Variants in SIL1 observed in about 807,000 individuals in gnomAD.
SIL1 encodes nucleotide exchange factor SIL1.
SIL1 carries 40 observed loss-of-function variants against 49.1 expected under a neutral mutation model. The observed-to-expected ratio is 0.81, with a 90% CI of 0.63 to 1.06. The LOEUF (loss-of-function observed/expected upper bound fraction) is 1.06, where lower values mean the gene tolerates loss of function less well. Ranked by LOEUF, SIL1 falls within the 50% of genes least tolerant of loss-of-function variation. The pLI is 0.00. For synonymous variants in SIL1, 253 were observed against 250.8 expected (o/e 1.01, Z -0.08); for missense variants, 500 against 572.6 (o/e 0.87, Z 1.29).
chr5:139,010,196 G>C (rs1421847930), intron 7 of SIL1, among the ~76,000 whole-genome samples: 3 of 146,480 alleles, frequency 2.0e-5, no homozygotes, highest in African/African-American at 7.6e-5. Context: ...TTCCCTTCTC[G>C]CTTCATTTCA....
chr5:139,028,483 G>A (rs1248127685), intron 5 of SIL1, among the ~76,000 whole-genome samples: 1 of 151,246 alleles, frequency 6.6e-6, no homozygotes, highest in East Asian at 1.9e-4. Context: ...AAGCGACAGA[G>A]CGAGACTCCA....
chr5:139,003,821 G>C (rs1768048102), intron 7 of SIL1, among the ~76,000 whole-genome samples: 1 of 152,178 alleles, frequency 6.6e-6, no homozygotes, highest in Non-Finnish European at 1.5e-5. Context: ...TCTTCTCTTT[G>C]CTTCAATAAA....
chr5:139,188,074 T>G (rs1281363864), intron 1 of SIL1: 1 of 152,320 alleles, frequency 6.6e-6, no homozygotes, highest in Non-Finnish European at 1.5e-5. Context: ...AACCATGAGC[T>G]AATTAAACCT....
In SIL1 at chr5:139,071,025, T is replaced by C. The variant is rs1000973188; in HGVS notation, c.245-19979A>G. ...TAATGAAAGAGCACAAAACTGCCTA[T>C]AGTTTTCCCAAAGGAATGGAACCTG... On this transcript the variant is annotated intron_variant, in intron 3 of 9. Transcript: ENST00000394817. 3.3e-5 allele frequency among the ~76,000 whole-genome samples: 5 copies of C among 152,306 alleles called. No homozygotes were observed. In the South Asian group the frequency reaches 1.0e-3, roughly 32 times the overall value.
At chr5:139,058,050 A>G (rs917860566) in intron 3 of SIL1, among the ~76,000 whole-genome samples, 1 of 152,264 alleles carries the variant, frequency 6.6e-6, no homozygotes, top group Non-Finnish European at 1.5e-5. Flanking sequence ...ATGAATTAAT[A>G]AAAGTAGTAT....
intron 1 of SIL1, among the ~76,000 whole-genome samples, chr5:139,165,104 C>A (rs1236550332): frequency 6.6e-6 from 1 of 152,134 alleles, no homozygotes; most frequent in Non-Finnish European, 1.5e-5. Context: ...GTCACGCATT[C>A]TTTTAGGTCC....
At chr5:139,085,970 A>G (rs1000647948) in intron 3 of SIL1, among the ~76,000 whole-genome samples, 2 of 152,172 alleles carry the variant, frequency 1.3e-5, no homozygotes, top group African/African-American at 4.8e-5. Flanking sequence ...ACAGATGTAG[A>G]AGCAATTTGC....
At position 139,116,477 on chromosome 5, in the gene SIL1, G is replaced by C. The variant is rs55920788; in HGVS notation, c.244+4558C>G. On this transcript the variant is annotated intron_variant, in intron 3 of 9. Transcript: ENST00000394817. ...CCCAGGTCTGCTCCTGGCTGGCTAC[G>C]CTTCCCTGAGCCCACATGGGGCCAA... Among the ~76,000 whole-genome samples the C allele has an allele frequency of 1.1e-3, 163 of 152,302 alleles. 1 individual carries two copies. Among genetic ancestry groups the C allele is most frequent in the Non-Finnish European group, 1.9e-3 (131 of 68,038 alleles).
chr5:139,158,897 GA>G (rs1339355863), intron 1 of SIL1, among the ~76,000 whole-genome samples: 1 of 152,086 alleles, frequency 6.6e-6, no homozygotes, highest in African/African-American at 2.4e-5. Context: ...TAAAGATGTT[GA>G]AAAAATGTAA....
At chr5:139,190,964 G>A (rs1194902895) in intron 1 of SIL1, among the ~76,000 whole-genome samples, 1 of 152,100 alleles carries the variant, frequency 6.6e-6, no homozygotes, top group Non-Finnish European at 1.5e-5. Context: ...AGAGACAGTG[G>A]CTCACACCTG....
chr5:139,186,544 C>T (rs1752080266), intron 1 of SIL1, among the ~76,000 whole-genome samples: 1 of 152,168 alleles, frequency 6.6e-6, no homozygotes, highest in African/African-American at 2.4e-5. Context: ...TCACCCATGA[C>T]GATAGGCTGA....
chr5:139,165,537 A>G (rs955874124), intron 1 of SIL1, among the ~76,000 whole-genome samples: 2 of 152,066 alleles, frequency 1.3e-5, no homozygotes, highest in Non-Finnish European at 2.9e-5. Flanking sequence ...TTTAGTAGAA[A>G]CAGGGTTTCA....
In SIL1 at chr5:139,127,729, A is replaced by G; in HGVS notation, c.105+10T>C. 1 of 1,604,348 alleles carries G rather than the reference A, an allele frequency of 6.2e-7. No individual in the cohort carries two copies. The highest frequency in any genetic ancestry group is 8.5e-7 in the Non-Finnish European group (1 of 1,175,886). The stretch of plus-strand genomic sequence containing the variant: ...CAAGGGTCCCTCCCATTTACAATAA[A>G]GATATTTACCAGGTTCTGATGACTG... On this transcript the variant is annotated intron_variant, in intron 2 of 9. Transcript: ENST00000394817.
chr5:139,018,759 A>G (rs1561830648), intron 7 of SIL1, among the ~76,000 whole-genome samples: 1 of 152,178 alleles, frequency 6.6e-6, no homozygotes, highest in East Asian at 1.9e-4. Context: ...GATGAGGGGG[A>G]TGATATTGAT....
chr5:139,161,834 A>G (rs1386062798), intron 1 of SIL1, among the ~76,000 whole-genome samples: 1 of 151,894 alleles, frequency 6.6e-6, no homozygotes, highest in African/African-American at 2.4e-5. Flanking sequence ...GCAACATGGC[A>G]AAACCCCATC....
At chr5:139,032,868 C>T (rs2150437883) in intron 5 of SIL1, 1 of 152,252 alleles carries the variant, frequency 6.6e-6, no homozygotes. Context: ...TATTCTCTTA[C>T]TGTATTTTCC....
At chr5:139,049,725 T>A (rs1769245671) in intron 4 of SIL1, among the ~76,000 whole-genome samples, 1 of 151,568 alleles carries the variant, frequency 6.6e-6, no homozygotes, top group African/African-American at 2.4e-5. Context: ...CCCAGGAGTT[T>A]GAGGTTACAG....
chr5:138,986,888 G>A (rs1767659907), intron 7 of SIL1, among the ~76,000 whole-genome samples: 1 of 152,052 alleles, frequency 6.6e-6, no homozygotes, highest in South Asian at 2.1e-4. Flanking sequence ...TCTTGACATT[G>A]TAAAATAATT....
chr5:139,070,113 A>G (rs1189708555), intron 3 of SIL1, among the ~76,000 whole-genome samples: 1 of 152,238 alleles, frequency 6.6e-6, no homozygotes, highest in East Asian at 1.9e-4. Context: ...GAGAATATAC[A>G]TACAACACAG....
Sources: allele counts gnomAD v4.1 joint callset (sites outside exome capture counted in the v4.1 genomes callset), GRCh38; gene constraint gnomAD v4.1.1; transcripts MANE v1.5; gene names NCBI Gene and HGNC (gene_info 2026-07-23, HGNC 2026-07-21).